The following NT5C3A variants were observed in gnomAD, a reference collection of about 807,000 sequenced individuals.
NT5C3A encodes cytosolic 5'-nucleotidase 3A.
In NT5C3A, 23 loss-of-function variants were observed where a neutral mutation model predicts 40.0. The observed-to-expected ratio is 0.58, with a 90% CI of 0.41 to 0.81. NT5C3A has a LOEUF of 0.81. Among genes scored for constraint, NT5C3A ranks in the 40% least tolerant of loss-of-function variants. The pLI is 0.00. For missense variants in NT5C3A, 328 were observed against 403.0 expected, an observed-to-expected ratio of 0.81 and a Z score of 1.59; for synonymous variants, 130 against 141.4, an observed-to-expected ratio of 0.92 and a Z score of 0.57.
chr7:33,062,548 C>T lies in NT5C3A; in HGVS notation c.138+20G>A. 1 of 1,604,914 alleles carries T rather than the reference C, an allele frequency of 6.2e-7. No individual in the cohort carries two copies. The highest frequency in any genetic ancestry group is 2.2e-5 in the East Asian group (1 of 44,568). ...GCCGGCCCCTCGCGTGCTCTGGGCG[C>T]GCCGAGCCTCCACACTCACCATCTC... On this transcript the variant is annotated intron_variant, in intron 1 of 8. Coordinates refer to ENST00000610140, the MANE Select transcript of NT5C3A (RefSeq NM_001002010.5).
chr7:33,048,663 A>G lies in NT5C3A; in HGVS notation c.138+13905T>C, dbSNP rs1200077115. 2.6e-5 allele frequency among the ~76,000 whole-genome samples: 4 copies of G among 152,148 alleles called. No individual in the cohort carries two copies. In the East Asian group the frequency reaches 5.8e-4, roughly 22 times the overall value. On this transcript the variant is annotated intron_variant, in intron 1 of 8. Transcript: ENST00000610140. ...TCAAAATTAAATAATTATATATGCAATGCCTCCAAGACCCCCGGGTCACTT... is the reference window on the plus strand; with the variant it reads ...TCAAAATTAAATAATTATATATGCAGTGCCTCCAAGACCCCCGGGTCACTT...
At chr7:33,028,279 T>C (rs972293048) in intron 1 of NT5C3A, among the ~76,000 whole-genome samples, 2 of 152,178 alleles carry the variant, frequency 1.3e-5, no homozygotes, top group African/African-American at 2.4e-5. Context: ...AAAAAATGGG[T>C]GTAGGCTGCT....
intron 1 of NT5C3A, among the ~76,000 whole-genome samples, chr7:33,056,538 G>A (rs527432273): frequency 3.4e-4 from 47 of 139,106 alleles, no homozygotes; most frequent in African/African-American, 4.6e-4. Context: ...CAGGTGTGGC[G>A]CCACATGCCT....
chr7:33,048,263 TCTAA>T (rs1481779101), intron 1 of NT5C3A, among the ~76,000 whole-genome samples: 1 of 152,030 alleles, frequency 6.6e-6, no homozygotes, highest in African/African-American at 2.4e-5. Flanking sequence ...CAGGCTGGTC[TCTAA>T]CTCTTAGGCT....
At chr7:33,017,403 A>T (rs1785393503) in intron 7 of NT5C3A, 36 bp downstream of exon 7, 2 of 1,478,294 alleles carry the variant, frequency 1.4e-6, no homozygotes, top group Non-Finnish European at 1.9e-6. Flanking sequence ...ATATTTTCAG[A>T]TTTTAAAATT....
intron 1 of NT5C3A, among the ~76,000 whole-genome samples, chr7:33,048,069 T>C (rs1211492630): frequency 6.6e-6 from 1 of 152,046 alleles, no homozygotes; most frequent in African/African-American, 2.4e-5. Context: ...AATAAACTTT[T>C]AGAGGAAATG....
intron 1 of NT5C3A, among the ~76,000 whole-genome samples, chr7:33,056,937 G>C (rs572990939): frequency 7.9e-5 from 12 of 151,984 alleles, no homozygotes; most frequent in African/African-American, 2.7e-4. Context: ...TCAGCCTCCC[G>C]AGTAGCTGGG....
At chr7:33,035,049 G>A (rs937242392) in intron 1 of NT5C3A, among the ~76,000 whole-genome samples, 2 of 152,032 alleles carry the variant, frequency 1.3e-5, no homozygotes, top group African/African-American at 4.8e-5. Context: ...AATATTTAAT[G>A]AATGCTTAAT....
chr7:33,035,850 C>A, intron 1 of NT5C3A: 1 of 1,057,546 alleles, frequency 9.5e-7, no homozygotes, highest in Non-Finnish European at 1.5e-6. Context: ...AATTTCAGTC[C>A]CATAATTATC....
At chr7:33,055,550 A>T (rs545623706) in intron 1 of NT5C3A, among the ~76,000 whole-genome samples, 3 of 152,288 alleles carry the variant, frequency 2.0e-5, no homozygotes, top group Admixed American at 6.5e-5. Context: ...ATTCAGCTTG[A>T]CTGAAATAGG....
chr7:33,062,495 C>G (rs1032929285), intron 1 of NT5C3A, 73 bp downstream of exon 1: 1 of 1,387,516 alleles, frequency 7.2e-7, no homozygotes, highest in African/African-American at 1.4e-5. Flanking sequence ...CGGCCCAGCA[C>G]AGGCTGCCGA....
chr7:33,031,724 C>T (rs1180892341), intron 1 of NT5C3A, among the ~76,000 whole-genome samples: 1 of 152,088 alleles, frequency 6.6e-6, no homozygotes, highest in Non-Finnish European at 1.5e-5. Flanking sequence ...CCACAATGTA[C>T]AGAGAAAACA....
rs1016306256 is a variant in NT5C3A at position 33,043,802 on chromosome 7, G to A, written c.139-16887C>T. Among the ~76,000 whole-genome samples, 4 of 152,316 alleles carry A rather than the reference G, an allele frequency of 2.6e-5. No individual in the cohort carries two copies. The East Asian group carries it at 7.7e-4, about 29-fold the overall frequency. On this transcript the variant is annotated intron_variant, in intron 1 of 8. Coordinates refer to ENST00000610140, the MANE Select transcript of NT5C3A (RefSeq NM_001002010.5). ...GGGTGGGAGTGAGATAGTGGGACTG[G>A]TGGGGTGTCCCTGGAAGAGGGACTA...
In NT5C3A at chr7:33,022,008, G is replaced by T. The variant is rs754936697; in HGVS notation, c.354+45C>A. 7 of 1,084,548 alleles carry T rather than the reference G, an allele frequency of 6.5e-6. 1 individual carries two copies. The highest frequency in any genetic ancestry group is 4.0e-4 in the Middle Eastern group (2 of 5,042). 67.2% of individuals were successfully genotyped at this position (1,084,548 alleles called of 1,614,324 possible). A position where few individuals can be genotyped will look rare whatever the true frequency, so the allele number is the denominator to read the frequency against. The stretch of plus-strand genomic sequence containing the variant: ...CCTGAAGAAATTCTCAGGCAAAAAG[G>T]GTAATGAAGTCTTTGAGTGACTATA... On this transcript the variant is annotated intron_variant, in intron 4 of 8. Coordinates refer to ENST00000610140, the MANE Select transcript of NT5C3A (RefSeq NM_001002010.5).
At chr7:33,056,517 T>C (rs12113572) in intron 1 of NT5C3A, among the ~76,000 whole-genome samples, 1 of 92,398 alleles carries the variant, frequency 1.1e-5, no homozygotes, top group East Asian at 3.4e-4. Flanking sequence ...AAAAAAAAAA[T>C]TTAACTTAGC....
intron 7 of NT5C3A, among the ~76,000 whole-genome samples, chr7:33,016,669 CA>C (rs386409862): frequency 1.4e-3 from 125 of 91,868 alleles, no homozygotes; most frequent in African/African-American, 1.8e-3. Context: ...GACTCCCTCT[CA>C]AAAAAAAAAA....
rs149507099 is a variant in NT5C3A at position 33,028,741 on chromosome 7, C to T, written c.139-1826G>A. Among the ~76,000 whole-genome samples the T allele has an allele frequency of 5.3e-5, 8 of 152,066 alleles. No homozygotes were observed. The East Asian group carries it at 1.4e-3, about 26-fold the overall frequency. ...AAAAGGATGGACTGTCTTCCAAAGA[C>T]TGGAAGATGATAACGAAAGTGTAGA... is the stretch of plus-strand genomic sequence containing the variant. On this transcript the variant is annotated intron_variant, in intron 1 of 8. Coordinates refer to ENST00000610140, the MANE Select transcript of NT5C3A (RefSeq NM_001002010.5).
intron 7 of NT5C3A, 165 bp from the exon 8 acceptor site, chr7:33,016,035 T>C: frequency 4.8e-6 from 3 of 627,482 alleles, no homozygotes; most frequent in Non-Finnish European, 8.5e-6. Flanking sequence ...TCACCATAGC[T>C]AAGAAGGGCT....
At chr7:33,057,746 T>C (rs1179408834) in intron 1 of NT5C3A, among the ~76,000 whole-genome samples, 1 of 152,192 alleles carries the variant, frequency 6.6e-6, no homozygotes, top group Non-Finnish European at 1.5e-5. Context: ...ACTTAAGTAA[T>C]AGTTGACGTT....
Sources: allele counts gnomAD v4.1 joint callset (sites outside exome capture counted in the v4.1 genomes callset), GRCh38; gene constraint gnomAD v4.1.1; transcripts MANE v1.5; gene names NCBI Gene and HGNC (gene_info 2026-07-23, HGNC 2026-07-21).